COL5A1: variants seen among roughly 807,000 people sequenced by gnomAD.
COL5A1 encodes the protein collagen alpha-1(V) chain.
A neutral mutation model predicts 263.7 loss-of-function variants in COL5A1; 16 were observed. That is an observed-to-expected ratio of 0.06 (90% CI 0.04 to 0.09). The LOEUF (loss-of-function observed/expected upper bound fraction) is 0.09. Among genes scored for constraint, COL5A1 ranks in the 10% least tolerant of loss-of-function variants. COL5A1 has a pLI of 1.00. For synonymous variants in COL5A1, 1,012 were observed against 1,004.5 expected, an observed-to-expected ratio of 1.01 and a Z score of -0.14; for missense variants, 2,036 against 2,540.5, an observed-to-expected ratio of 0.80 and a Z score of 4.27.
rs992551045 is a variant in COL5A1, at chr9:134,768,326, T to C, written c.2233-84T>C. The C allele has an allele frequency of 1.9e-4, 240 of 1,244,426 alleles. 1 individual carries two copies. The Admixed American group carries it at 4.0e-3, about 21-fold the overall frequency. The allele number at this position is 1,244,426 out of a possible 1,614,324, so 77.1% of individuals were successfully genotyped here. ...AGCAAATGCTGTGTGGGCAGAAATG[T>C]TGAAAAGTAACCTTGGTGGCCGACG... On this transcript the variant is annotated intron_variant, in intron 24 of 65. Transcript: ENST00000371817.
rs142958068 is a variant in COL5A1 at position 134,643,274 on chromosome 9, G to A, written c.109+978G>A. 1.2e-3 allele frequency among the ~76,000 whole-genome samples: 189 copies of A among 152,184 alleles called. 1 individual carries two copies. The highest frequency in any genetic ancestry group is 4.3e-3 in the African/African-American group (178 of 41,520). On this transcript the variant is annotated intron_variant, in intron 1 of 65. Transcript: ENST00000371817. Reference sequence around the variant, plus strand: ...ACATCAGAGCCCCCAGCCCTGGAAGGTCCCCCGAATCCTTATTGACAGGCG... The same window carrying A: ...ACATCAGAGCCCCCAGCCCTGGAAGATCCCCCGAATCCTTATTGACAGGCG...
chr9:134,654,907 T>A (rs1156526052), intron 1 of COL5A1, among the ~76,000 whole-genome samples: 4 of 66,540 alleles, frequency 6.0e-5, no homozygotes, highest in Non-Finnish European at 5.7e-5. Flanking sequence ...TGTGTAGGGC[T>A]GGTGTTTGTA....
At position 134,732,176 on chromosome 9, in the gene COL5A1, G is replaced by A. The variant is rs200803071; in HGVS notation, c.1389+49G>A. The A allele has an allele frequency of 2.7e-5, 43 of 1,600,752 alleles. No individual in the cohort carries two copies. In the African/African-American group the frequency reaches 5.1e-4, roughly 19 times the overall value. ...CCCTGCGCCGGGGTGTCCGCTGCTCGGGGTCACAGCGGGGTGTGTAGGGTG... is the reference window on the plus strand; with the variant it reads ...CCCTGCGCCGGGGTGTCCGCTGCTCAGGGTCACAGCGGGGTGTGTAGGGTG... On this transcript the variant is annotated intron_variant, in intron 9 of 65. Transcript: ENST00000371817.
rs201910803 is a variant in COL5A1 at position 134,691,085 on chromosome 9, T to G, written c.277+6T>G. On this transcript the variant is annotated splice_donor_region_variant and intron_variant, in intron 2 of 65. Coordinates refer to ENST00000371817, the MANE Select transcript of COL5A1 (RefSeq NM_000093.5). ...CACCAAGCAGCTGTACCCTGGTAAG[T>G]GCCGCACCCTTCTGTTTGGGGCGGT... The G allele has an allele frequency of 2.9e-4, 462 of 1,612,736 alleles. 1 individual carries two copies. In the African/African-American group the frequency reaches 5.4e-3, roughly 19 times the overall value.
At chr9:134,819,263 T>C (rs1838895614) in intron 57 of COL5A1, among the ~76,000 whole-genome samples, 1 of 152,124 alleles carries the variant, frequency 6.6e-6, no homozygotes, top group Non-Finnish European at 1.5e-5. Context: ...CCTGAGCAGC[T>C]CGGGAGATCC....
chr9:134,710,006 C>T (rs1047874481), intron 4 of COL5A1, among the ~76,000 whole-genome samples: 10 of 152,130 alleles, frequency 6.6e-5, no homozygotes, highest in Admixed American at 3.9e-4. Context: ...GGCTGACGGG[C>T]GAGGGGGCCC....
At chr9:134,643,566 T>C (rs1264985098) in intron 1 of COL5A1, among the ~76,000 whole-genome samples, 1 of 152,102 alleles carries the variant, frequency 6.6e-6, no homozygotes, top group East Asian at 1.9e-4. Flanking sequence ...GGGGCTGCCC[T>C]GGGGCTCTGG....
At chr9:134,786,914 C>T (rs1457871638) in intron 31 of COL5A1, among the ~76,000 whole-genome samples, 1 of 152,148 alleles carries the variant, frequency 6.6e-6, no homozygotes, top group South Asian at 2.1e-4. Flanking sequence ...GCTGAGGCTG[C>T]CCTCCAGGTA....
At chr9:134,784,504 T>G (rs1178833898) in intron 29 of COL5A1, among the ~76,000 whole-genome samples, 1 of 152,200 alleles carries the variant, frequency 6.6e-6, no homozygotes, top group Admixed American at 6.5e-5. Flanking sequence ...CTGGGACGCC[T>G]CCTGAGGCCC....
In COL5A1 at chr9:134,641,993, C is replaced by T; in HGVS notation, c.-195C>T. 3 of 457,730 alleles carry T rather than the reference C, an allele frequency of 6.6e-6. No homozygotes were observed. Among genetic ancestry groups the T allele is most frequent in the East Asian group, 7.2e-5 (2 of 27,948 alleles). 28.4% of individuals were successfully genotyped at this position (457,730 alleles called of 1,614,324 possible). A position where few individuals can be genotyped will look rare whatever the true frequency, so the allele number is the denominator to read the frequency against. Reference sequence around the variant, plus strand: ...CGGGCCAAAGTCGAGCCCTCCCGCCCGTGGGCGAGCGCGCCAGCCGCCCCT... The same window carrying T: ...CGGGCCAAAGTCGAGCCCTCCCGCCTGTGGGCGAGCGCGCCAGCCGCCCCT... On this transcript the variant is annotated 5_prime_UTR_variant, in exon 1 of 66. Transcript: ENST00000371817.
chr9:134,823,279 G>T, intron 60 of COL5A1, 137 bp from the exon 61 acceptor site: 3 of 1,063,062 alleles, frequency 2.8e-6, no homozygotes, highest in Non-Finnish European at 4.4e-6. Context: ...AGGGGTCTCT[G>T]CCATTCTCTT....
At chr9:134,780,528 G>T (rs7048880) in intron 28 of COL5A1, among the ~76,000 whole-genome samples, 23,143 of 151,928 alleles carry the variant, frequency 0.15, 1,939 homozygotes, top group African/African-American at 0.22. Context: ...TGGCACGAGG[G>T]TCCACTTAGT....
chr9:134,792,782 CAT>C (rs556414792), intron 32 of COL5A1, among the ~76,000 whole-genome samples: 783 of 37,478 alleles, frequency 0.021, 5 homozygotes, highest in Middle Eastern at 0.074. Context: ...CGTGTGTGTA[CAT>C]ATGTGTGTGT....
intron 7 of COL5A1, 97 bp downstream of exon 7, chr9:134,730,572 A>C: frequency 2.2e-5 from 34 of 1,556,986 alleles, no homozygotes; most frequent in Middle Eastern, 1.7e-4. Flanking sequence ...TCCAGTTCTC[A>C]CCTTGGTGTC....
intron 31 of COL5A1, among the ~76,000 whole-genome samples, chr9:134,788,445 T>TAGGC (rs1374938558): frequency 2.1e-5 from 3 of 140,152 alleles, no homozygotes; most frequent in Non-Finnish European, 4.6e-5. Flanking sequence ...GGTGGGTAGG[T>TAGGC]AGGCAGGTAG....
rs765687008 is a variant in COL5A1, at chr9:134,652,729, A to T, written c.109+10433A>T. 2.1e-6 allele frequency: 1 copy of T among 470,842 alleles called. No homozygotes were observed. The highest frequency in any genetic ancestry group is 2.3e-5 in the Admixed American group (1 of 42,570). 29.2% of individuals were successfully genotyped at this position (470,842 alleles called of 1,614,324 possible). ...TCACCCCATGGTCTTCTCATGGCTC[A>T]TTGTCAGACAGGAGGGAGGGCCTCT... On this transcript the variant is annotated intron_variant, in intron 1 of 65. Transcript: ENST00000371817. The surrounding 1 kb of genome is among the most constrained non-coding windows in gnomAD (Gnocchi z 4.4).
intron 4 of COL5A1, among the ~76,000 whole-genome samples, chr9:134,701,635 C>T (rs764762967): frequency 1.3e-5 from 2 of 152,166 alleles, no homozygotes; most frequent in Non-Finnish European, 2.9e-5. Flanking sequence ...GGCCTTTGTC[C>T]AGCCTCGTGC....
chr9:134,812,730 T>G lies in COL5A1; in HGVS notation c.3852+18T>G, dbSNP rs1247735507. 2.0e-6 allele frequency: 3 copies of G among 1,507,928 alleles called. No individual in the cohort carries two copies. Among genetic ancestry groups the G allele is most frequent in the East Asian group, 2.4e-5 (1 of 42,044 alleles). 93.4% of individuals were successfully genotyped at this position (1,507,928 alleles called of 1,614,324 possible). On this transcript the variant is annotated intron_variant, in intron 48 of 65. Transcript: ENST00000371817. ...GAGAGAAGGTGAGGCTCGTGCCTGC[T>G]CTGGTGGCAGATTTGCGGTTGTTTG...
intron 11 of COL5A1, among the ~76,000 whole-genome samples, chr9:134,743,054 GT>G (rs1197314181): frequency 6.6e-6 from 1 of 152,194 alleles, no homozygotes; most frequent in Non-Finnish European, 1.5e-5. Flanking sequence ...ATTCGCGTGT[GT>G]GCCCCAGAGC....
Sources: gnomAD v4.1 joint callset for allele counts (sites outside exome capture counted in the v4.1 genomes callset) on GRCh38, gnomAD v4.1.1 for gene constraint, Gnocchi (gnomAD v3.1) non-coding constraint, MANE v1.5 for transcripts, NCBI Gene and HGNC (gene_info 2026-07-23, HGNC 2026-07-21) for gene names.